The following SOX6 variants were observed in gnomAD, a reference collection of about 807,000 sequenced individuals.
The protein encoded by SOX6 is SRY-box transcription factor 6, also known as transcription factor SOX-6.
In SOX6, 11 loss-of-function variants were observed where a neutral mutation model predicts 97.8. That is an observed-to-expected ratio of 0.11 (90% CI 0.07 to 0.19). SOX6 has a LOEUF of 0.19. Among genes scored for constraint, SOX6 ranks in the 10% least tolerant of loss-of-function variants. The probability of loss-of-function intolerance (pLI) is 1.00; values close to 1 mark genes in which losing one functional copy is unlikely to be tolerated. For synonymous variants in SOX6, 360 were observed against 371.4 expected (o/e 0.97, Z 0.35); for missense variants, 810 against 1,039.5 (o/e 0.78, Z 3.04).
chr11:16,520,654 G>A (rs539775666), intron 4 of SOX6, among the ~76,000 whole-genome samples: 25 of 152,326 alleles, frequency 1.6e-4, no homozygotes, highest in African/African-American at 2.2e-4. Flanking sequence ...CACAACATGT[G>A]CGAGCCGAAG....
intron 4 of SOX6, among the ~76,000 whole-genome samples, chr11:16,232,469 T>C (rs543900719): frequency 6.6e-6 from 1 of 151,666 alleles, no homozygotes; most frequent in Admixed American, 6.6e-5. Context: ...GAAAAAAAGG[T>C]TAAAGAATTT....
At chr11:16,477,657 C>G (rs1316604271), upstream of SOX6, among the ~76,000 whole-genome samples, 1 of 152,114 alleles carries the variant, frequency 6.6e-6, no homozygotes, top group Non-Finnish European at 1.5e-5. Flanking sequence ...TCAAGACCAG[C>G]CTAGGCAACA....
intron 3 of SOX6, among the ~76,000 whole-genome samples, chr11:16,633,159 C>T (rs533637874): frequency 1.6e-4 from 25 of 152,194 alleles, no homozygotes; most frequent in African/African-American, 5.5e-4. Context: ...GTTGAGAGGG[C>T]CCTGCCACAC....
chr11:16,534,691 G>T (rs911863160), intron 4 of SOX6, among the ~76,000 whole-genome samples: 2 of 151,822 alleles, frequency 1.3e-5, no homozygotes, highest in Admixed American at 6.6e-5. Flanking sequence ...TTTTGTCTGG[G>T]GACCCCAAGA....
intron 1 of SOX6, among the ~76,000 whole-genome samples, chr11:16,384,936 CT>C (rs537148894): frequency 1.9e-3 from 284 of 152,120 alleles, no homozygotes; most frequent in Non-Finnish European, 3.1e-3. Context: ...TCCTAGAGGA[CT>C]TTTTCATCTG....
intron 3 of SOX6, among the ~76,000 whole-genome samples, chr11:16,254,860 C>A (rs12296061): frequency 6.6e-6 from 1 of 151,540 alleles, no homozygotes; most frequent in African/African-American, 2.4e-5. Context: ...AAATAAGACC[C>A]AACTATATAT....
At chr11:16,539,440 G>C (rs776857062) in intron 4 of SOX6, among the ~76,000 whole-genome samples, 1 of 152,074 alleles carries the variant, frequency 6.6e-6, no homozygotes, top group Non-Finnish European at 1.5e-5. Context: ...AAATTCAAAA[G>C]CTAGCAGAAG....
At chr11:15,992,786 C>T (rs2119822136) in intron 13 of SOX6, among the ~76,000 whole-genome samples, 1 of 152,260 alleles carries the variant, frequency 6.6e-6, no homozygotes, top group Non-Finnish European at 1.5e-5. Context: ...CCATATAAGG[C>T]TTATATGGAA....
intron 2 of SOX6, among the ~76,000 whole-genome samples, chr11:16,338,274 G>A (rs928645419): frequency 1.3e-5 from 2 of 151,842 alleles, no homozygotes; most frequent in African/African-American, 4.8e-5. Flanking sequence ...ACATGTTTTT[G>A]ACTTCATATT....
Position 15,974,570 on chromosome 11 carries a change from G to A in SOX6, c.2184-1458C>T, listed in dbSNP as rs1853415184. Reference sequence around the variant, plus strand: ...CCGACCCGACCACAGTCCCCAGAGTGTGATATTCCCCTTCCTGTGTCCATG... The same window carrying A: ...CCGACCCGACCACAGTCCCCAGAGTATGATATTCCCCTTCCTGTGTCCATG... On this transcript the variant is annotated intron_variant, in intron 15 of 15. Coordinates refer to ENST00000683767, the MANE Select transcript of SOX6 (RefSeq NM_001367873.1). 2.3e-5 allele frequency among the ~76,000 whole-genome samples: 3 copies of A among 130,688 alleles called. 1 individual carries two copies. Among genetic ancestry groups the A allele is most frequent in the Non-Finnish European group, 4.6e-5 (3 of 64,682 alleles). The allele number at this position is 130,688 out of a possible 152,430, so 85.7% of individuals were successfully genotyped here. A position where few individuals can be genotyped will look rare whatever the true frequency, so the allele number is the denominator to read the frequency against.
chr11:16,421,609 A>G (rs1373631888), intron 1 of SOX6, among the ~76,000 whole-genome samples: 1 of 152,246 alleles, frequency 6.6e-6, no homozygotes, highest in African/African-American at 2.4e-5. Context: ...AATGATGAAG[A>G]GAATTCAATG....
intron 7 of SOX6, among the ~76,000 whole-genome samples, chr11:16,104,038 C>A (rs1849014739): frequency 6.6e-6 from 1 of 151,894 alleles, no homozygotes. Flanking sequence ...TTCATGCCTT[C>A]ATGATAGCTC....
At chr11:16,287,284 T>A (rs200728604) in intron 3 of SOX6, among the ~76,000 whole-genome samples, 15 of 41,998 alleles carry the variant, frequency 3.6e-4, no homozygotes, top group African/African-American at 9.9e-4. Context: ...TCTCTCTCTC[T>A]CTCTCTCTCT....
chr11:16,175,354 A>G (rs1328914598), intron 6 of SOX6, among the ~76,000 whole-genome samples: 1 of 151,940 alleles, frequency 6.6e-6, no homozygotes, highest in African/African-American at 2.4e-5. Context: ...AGCTACTGTA[A>G]GGTATTGTAA....
intron 6 of SOX6, among the ~76,000 whole-genome samples, chr11:16,161,342 T>G (rs1352276106): frequency 6.6e-6 from 1 of 151,024 alleles, no homozygotes; most frequent in Non-Finnish European, 1.5e-5. Context: ...ATCAGATATA[T>G]ATGTCTTATG....
At chr11:16,625,406 T>G (rs1848610500) in intron 3 of SOX6, among the ~76,000 whole-genome samples, 1 of 152,214 alleles carries the variant, frequency 6.6e-6, no homozygotes, top group Non-Finnish European at 1.5e-5. Context: ...ACAGGGCTCC[T>G]AAAGCCCTCT....
intron 4 of SOX6, among the ~76,000 whole-genome samples, chr11:16,486,667 C>T (rs1860439101): frequency 6.6e-6 from 1 of 152,050 alleles, no homozygotes; most frequent in Non-Finnish European, 1.5e-5. Flanking sequence ...TTGAGACCAG[C>T]CTGGCCAACA....
chr11:16,503,999 C>T (rs1297937654), intron 4 of SOX6, among the ~76,000 whole-genome samples: 1 of 151,692 alleles, frequency 6.6e-6, no homozygotes, highest in Non-Finnish European at 1.5e-5. Context: ...GCTGAGATTG[C>T]ACCACTGCAC....
chr11:16,335,810 C>A (rs979353063), intron 2 of SOX6, among the ~76,000 whole-genome samples: 2 of 152,142 alleles, frequency 1.3e-5, no homozygotes, highest in Non-Finnish European at 2.9e-5. Context: ...TTAGCAACTT[C>A]ATGAGACTGA....
Sources: allele counts gnomAD v4.1 joint callset (sites outside exome capture counted in the v4.1 genomes callset), GRCh38; gene constraint gnomAD v4.1.1; transcripts MANE v1.5; gene names NCBI Gene and HGNC (gene_info 2026-07-23, HGNC 2026-07-21).